GSAP: variants seen among roughly 807,000 people sequenced by gnomAD.
GSAP encodes gamma-secretase-activating protein.
A neutral mutation model predicts 131.7 loss-of-function variants in GSAP; 118 were observed. The observed-to-expected ratio is 0.90, with a 90% CI of 0.77 to 1.04. GSAP has a LOEUF of 1.04. Ranked by LOEUF, GSAP falls within the 50% of genes least tolerant of loss-of-function variation. The pLI is 0.00. For missense variants in GSAP, 1,019 were observed against 1,013.2 expected (o/e 1.01, Z -0.08); for synonymous variants, 381 against 363.4 (o/e 1.05, Z -0.55).
upstream of GSAP, chr7:77,416,619 G>T: frequency 3.6e-6 from 1 of 278,154 alleles, no homozygotes; most frequent in Non-Finnish European, 6.7e-6. Context: ...GCACCTTCGG[G>T]GCTGAGGATA....
chr7:77,379,096 C>G (rs144927971), intron 8 of GSAP, among the ~76,000 whole-genome samples: 19 of 152,266 alleles, frequency 1.2e-4, no homozygotes, highest in African/African-American at 4.3e-4. Flanking sequence ...GAGGACCTGT[C>G]TGTCTCTAAA....
chr7:77,388,992 G>C (rs556589599), intron 5 of GSAP, among the ~76,000 whole-genome samples: 1 of 152,270 alleles, frequency 6.6e-6, no homozygotes, highest in Admixed American at 6.5e-5. Flanking sequence ...TTACAACCAA[G>C]GGTATGGATG....
intron 3 of GSAP, among the ~76,000 whole-genome samples, chr7:77,398,414 A>C (rs1178088445): frequency 6.6e-6 from 1 of 152,170 alleles, no homozygotes; most frequent in Non-Finnish European, 1.5e-5. Flanking sequence ...GAGGGATTCT[A>C]AATTATTACT....
At chr7:77,378,905 A>G (rs1486373401) in intron 8 of GSAP, among the ~76,000 whole-genome samples, 1 of 152,204 alleles carries the variant, frequency 6.6e-6, no homozygotes, top group Non-Finnish European at 1.5e-5. Context: ...AAAAAAGGAA[A>G]CACCAGAATG....
At chr7:77,353,837 A>ACCTCC in intron 16 of GSAP, 196 bp from the exon 17 acceptor site, 1 of 470,910 alleles carries the variant, frequency 2.1e-6, no homozygotes, top group Non-Finnish European at 3.7e-6. Context: ...TATAAGTGAG[A>ACCTCC]TCCTTTTTAT....
chr7:77,334,823 G>A lies in GSAP; in HGVS notation c.1546-4456C>T, dbSNP rs1028751536. Among the ~76,000 whole-genome samples, 8 of 152,012 alleles carry A rather than the reference G, an allele frequency of 5.3e-5. No homozygotes were observed. The South Asian group carries it at 8.3e-4, about 16-fold the overall frequency. ...TACCCGGCCAGGCATGGTGGCTCAC[G>A]CCTGTAATCCCAGCACTTTGGGAGA... is the stretch of plus-strand genomic sequence containing the variant. On this transcript the variant is annotated intron_variant, in intron 19 of 30. Transcript: ENST00000257626.
intron 5 of GSAP, 37 bp downstream of exon 5, chr7:77,396,945 A>T: frequency 8.3e-7 from 1 of 1,203,660 alleles, no homozygotes; most frequent in South Asian, 1.3e-5. Context: ...AATAACCTTC[A>T]TCTACCCATA....
rs772611640 is a variant in GSAP at position 77,355,640 on chromosome 7, A to C, written c.1035T>G (p.Tyr345Ter). The part of the protein sequence containing the change: ...KGITFLNLDY[Y>*]VAVYLPGHFF... ...AATGACCAGGTAAGTAAACAGCCAC[A>C]TAATAGTCTATAGAAGAGAAAGATT... is the stretch of plus-strand genomic sequence containing the variant. The change falls in exon 15 of 31, where the codon TAT (tyrosine) becomes TAG (stop). Residue 345 changes from tyrosine to a stop codon, truncating the protein, a stop_gained. Transcript: ENST00000257626. LOFTEE classifies it high-confidence loss of function. 1.2e-5 allele frequency: 19 copies of C among 1,547,686 alleles called. No homozygotes were observed. In the East Asian group the frequency reaches 4.0e-4, roughly 33 times the overall value.
chr7:77,405,908 C>A, intron 2 of GSAP, 121 bp downstream of exon 2: 1 of 353,998 alleles, frequency 2.8e-6, no homozygotes, highest in Admixed American at 5.8e-5. Flanking sequence ...GATTAAATGC[C>A]AACAAGTTTA....
chr7:77,411,098 TAAAAAAAA>T (rs57255266), intron 1 of GSAP, among the ~76,000 whole-genome samples: 1 of 108,836 alleles, frequency 9.2e-6, no homozygotes, highest in African/African-American at 3.6e-5. Context: ...AAGAAAATAG[TAAAAAAAA>T]AAAAAAAAAA....
At chr7:77,408,762 G>GT (rs892303581) in intron 1 of GSAP, among the ~76,000 whole-genome samples, 10 of 149,004 alleles carry the variant, frequency 6.7e-5, no homozygotes, top group African/African-American at 2.5e-4. Flanking sequence ...TACAGGAATA[G>GT]TTTTTACATG....
chr7:77,397,042 GA>G lies in GSAP; in HGVS notation c.314-8del. 3 of 1,574,956 alleles carry G rather than the reference GA, an allele frequency of 1.9e-6. No homozygotes were observed. The highest frequency in any genetic ancestry group is 1.1e-5 in the South Asian group (1 of 87,664). On this transcript the variant is annotated splice_polypyrimidine_tract_variant and splice_region_variant and intron_variant, in intron 4 of 30. Transcript: ENST00000257626. The stretch of plus-strand genomic sequence containing the variant: ...GACTGAACTAAACTTGCAGCTAATG[GA>G]AAAAGAAAAAAAATCCATTAGCAAT...
intron 30 of GSAP, 154 bp downstream of exon 30, chr7:77,311,687 G>C: frequency 1.7e-6 from 1 of 596,120 alleles, no homozygotes; most frequent in Non-Finnish European, 3.0e-6. Flanking sequence ...TTTACTCTAG[G>C]TAGTAAATTT....
chr7:77,368,101 T>A (rs1011518994), intron 12 of GSAP, among the ~76,000 whole-genome samples: 1 of 152,146 alleles, frequency 6.6e-6, no homozygotes, highest in African/African-American at 2.4e-5. Flanking sequence ...GTCTTCTTAG[T>A]CTAGCATGGG....
At chr7:77,320,584 G>GC (rs1435920950) in intron 26 of GSAP, 141 bp downstream of exon 26, 4 of 623,404 alleles carry the variant, frequency 6.4e-6, no homozygotes, top group African/African-American at 5.5e-5. Context: ...CAACCTAAGG[G>GC]CCCATCACTC....
chr7:77,329,377 T>C lies in GSAP; in HGVS notation c.1689A>G (p.Arg563=), dbSNP rs1788751084. 1 of 1,584,838 alleles carries C rather than the reference T, an allele frequency of 6.3e-7. No homozygotes were observed. Among genetic ancestry groups the C allele is most frequent in the Non-Finnish European group, 8.6e-7 (1 of 1,163,410 alleles). The part of the protein sequence containing the change: ...NLISEEKTGK[R]RSAAYVRNIL... ...TATTCCTCACGTATGCCGCAGACCT[T>C]CTTTTTCCTGTTTTCTAGGAGTGAG... Residue 563 remains arginine (R), a synonymous_variant, in exon 21 of 31, where the codon AGA becomes AGG. Coordinates refer to ENST00000257626, the MANE Select transcript of GSAP (RefSeq NM_017439.4).
At chr7:77,409,844 CAACA>C (rs1272874576) in intron 1 of GSAP, among the ~76,000 whole-genome samples, 2 of 152,116 alleles carry the variant, frequency 1.3e-5, no homozygotes, top group Non-Finnish European at 2.9e-5. Context: ...AAAAATTCTC[CAACA>C]AACGCAGATT....
chr7:77,325,313 T>G (rs909342298), intron 23 of GSAP, among the ~76,000 whole-genome samples: 1 of 152,208 alleles, frequency 6.6e-6, no homozygotes, highest in Admixed American at 6.5e-5. Flanking sequence ...ACAACACTAA[T>G]GACTGCAATA....
chr7:77,401,540 T>G (rs1399976969), intron 3 of GSAP, among the ~76,000 whole-genome samples: 1 of 151,848 alleles, frequency 6.6e-6, no homozygotes, highest in African/African-American at 2.4e-5. Flanking sequence ...CATTCTCAGA[T>G]GAAGAAAACT....
Sources: allele counts gnomAD v4.1 joint callset (sites outside exome capture counted in the v4.1 genomes callset), GRCh38; gene constraint gnomAD v4.1.1; transcripts MANE v1.5; gene names NCBI Gene and HGNC (gene_info 2026-07-23, HGNC 2026-07-21).